The following SF3B2 variants were observed in gnomAD, a reference collection of about 807,000 sequenced individuals.
SF3B2 encodes splicing factor 3b subunit 2.
Under a neutral mutation model 116.3 loss-of-function variants are expected in SF3B2, and 22 were observed. The ratio of observed to expected loss-of-function variants is 0.19; its 90% CI spans 0.14 to 0.27. SF3B2 has a LOEUF of 0.27. Ranked by LOEUF, SF3B2 falls within the 10% of genes least tolerant of loss-of-function variation. SF3B2 has a pLI of 1.00. For synonymous variants in SF3B2, 406 were observed against 421.6 expected (o/e 0.96, Z 0.45); for missense variants, 767 against 1,151.4 (o/e 0.67, Z 4.83).
rs147488764 is a variant in SF3B2 at position 66,067,876 on chromosome 11, T to G, written c.2331-70T>G. 2.2e-4 allele frequency: 280 copies of G among 1,273,240 alleles called. 1 individual carries two copies. The East Asian group carries it at 6.4e-3, about 29-fold the overall frequency. The allele number at this position is 1,273,240 out of a possible 1,614,324, so 78.9% of individuals were successfully genotyped here. On this transcript the variant is annotated intron_variant, in intron 19 of 21. Transcript: ENST00000322535. ...GCGCTGAGTGGAGGTGCCACCTGTA[T>G]CTTTTGTTTCCGCTTCTGGAGACCC...
Position 66,059,598 on chromosome 11 carries a change from A to C in SF3B2, c.1401+3A>C. On this transcript the variant is annotated splice_donor_region_variant and intron_variant, in intron 12 of 21. Transcript: ENST00000322535. This position sits in a 1 kb window ranked among gnomAD's most constrained non-coding sequence, Gnocchi z 5.0. ...TCACTGTGGCTGAACTCAAGCAGGT[A>C]AGACCTGAGAGGATCCTGCAGGCCC... 1 of 1,613,970 alleles carries C rather than the reference A, an allele frequency of 6.2e-7. No individual in the cohort carries two copies.
Position 66,068,852 on chromosome 11 carries a change from T to C in SF3B2, c.*107T>C. On this transcript the variant is annotated 3_prime_UTR_variant, in exon 22 of 22. Transcript: ENST00000322535. ...AAGGACTTGTCATTTCATGTTCTTA[T>C]TTTAGACCTGTTTTGTAAATAAAGC... The C allele has an allele frequency of 1.2e-6, 1 of 862,770 alleles. No homozygotes were observed. Among genetic ancestry groups the C allele is most frequent in the Non-Finnish European group, 1.9e-6 (1 of 533,116 alleles). 53.4% of individuals were successfully genotyped at this position (862,770 alleles called of 1,614,324 possible).
chr11:66,063,151 T>A (rs1379700603), intron 17 of SF3B2, 35 bp downstream of exon 17: 1 of 1,485,916 alleles, frequency 6.7e-7, no homozygotes, highest in Admixed American at 1.7e-5. Flanking sequence ...TGGTTTTACT[T>A]AATGTCATGA....
At chr11:66,063,990 G>A (rs1038833221) in intron 19 of SF3B2, among the ~76,000 whole-genome samples, 2 of 152,172 alleles carry the variant, frequency 1.3e-5, no homozygotes, top group East Asian at 3.8e-4. Flanking sequence ...CTTTGGGAAG[G>A]CCTCACTGGG....
Position 66,055,114 on chromosome 11 carries a change from C to CTG in SF3B2, c.297_298insTG (p.Pro100CysfsTer49). ...CCATGCCACCACCACCTTTGGGACT[C>CTG]CCCCCTCTGCAGCCTCCTCCGCCAC... On this transcript the variant is annotated frameshift_variant, in exon 4 of 22. Coordinates refer to ENST00000322535, the MANE Select transcript of SF3B2 (RefSeq NM_006842.3). LOFTEE classifies it high-confidence loss of function. The CTG allele has an allele frequency of 1.9e-6, 3 of 1,543,270 alleles. No individual in the cohort carries two copies. The highest frequency in any genetic ancestry group is 2.6e-6 in the Non-Finnish European group (3 of 1,140,676).
intron 14 of SF3B2, 58 bp downstream of exon 14, chr11:66,060,789 C>CT (rs922292762): frequency 2.6e-5 from 40 of 1,543,410 alleles, no homozygotes; most frequent in South Asian, 4.6e-5. Flanking sequence ...CTGTCTAGGG[C>CT]TTTTTTTTGT....
chr11:66,063,311 T>G (rs2135053229), intron 17 of SF3B2, 89 bp from the exon 18 acceptor site: 1 of 1,318,832 alleles, frequency 7.6e-7, no homozygotes, highest in East Asian at 2.4e-5. Flanking sequence ...TATTGTGTTT[T>G]GACTCTTACA....
At chr11:66,057,229 C>G (rs1268994934) in intron 6 of SF3B2, 37 bp from the exon 7 acceptor site, 10 of 1,303,546 alleles carry the variant, frequency 7.7e-6, no homozygotes, top group Admixed American at 1.7e-5. Context: ...AGTGTTTTGC[C>G]TCTTCTGACA....
At position 66,063,408 on chromosome 11, in the gene SF3B2, T is replaced by C. The variant is rs1857128930; in HGVS notation, c.2094T>C (p.Thr698=). 1.2e-6 allele frequency: 2 copies of C among 1,612,480 alleles called. No homozygotes were observed. The highest frequency in any genetic ancestry group is 8.5e-7 in the Non-Finnish European group (1 of 1,179,324). Reference sequence around the variant, plus strand: ...AAAGTGATCTCTTTCAGACCAAGACTGAGGAAGAAGAGATTGATCGGACCC... The same window carrying C: ...AAAGTGATCTCTTTCAGACCAAGACCGAGGAAGAAGAGATTGATCGGACCC... ...GTNAAEFQTK[T]EEEEIDRTPW... Residue 698 remains threonine, a synonymous_variant, in exon 18 of 22, where the codon ACT becomes ACC. Coordinates refer to ENST00000322535, the MANE Select transcript of SF3B2 (RefSeq NM_006842.3).
At position 66,067,956 on chromosome 11, in the gene SF3B2, C is replaced by T. The variant is rs1434495309; in HGVS notation, c.2341C>T (p.Pro781Ser). The T allele has an allele frequency of 1.9e-6, 3 of 1,614,032 alleles. No individual in the cohort carries two copies. Among genetic ancestry groups the T allele is most frequent in the Non-Finnish European group, 2.5e-6 (3 of 1,179,946 alleles). ...CATTGTCCTTCGCAGAAGTGAGACA[C>T]CTCAGCTCTTCACTGTGTTGCCAGA... ...IEEAMDGSETPQLFTVLPEKR... is the reference protein window; with the variant it reads ...IEEAMDGSETSQLFTVLPEKR... The change falls in exon 20 of 22, where the codon CCT becomes TCT. Residue 781 changes from proline (P) to serine (S), a missense_variant. Pro to Ser is a moderately conservative substitution (Grantham distance 74, BLOSUM62 -1). This residue lies in a region of SF3B2 where 282 missense variants were observed against 568.0 expected (regional missense o/e 0.50). Coordinates refer to ENST00000322535, the MANE Select transcript of SF3B2 (RefSeq NM_006842.3).
Position 66,069,234 on chromosome 11 carries a change from A to G in SF3B2, c.*489A>G. 5.2e-6 allele frequency: 2 copies of G among 381,800 alleles called. No individual in the cohort carries two copies. Among genetic ancestry groups the G allele is most frequent in the Non-Finnish European group, 1.1e-5 (2 of 184,258 alleles). 23.7% of individuals were successfully genotyped at this position (381,800 alleles called of 1,614,324 possible). ...AAGTAGGCCAGGGCAGGCCTTCCCA[A>G]CTGACCTTGTGACCAGAAGTTCAAG... is the stretch of plus-strand genomic sequence containing the variant. On this transcript the variant is annotated 3_prime_UTR_variant, in exon 22 of 22. Coordinates refer to ENST00000322535, the MANE Select transcript of SF3B2 (RefSeq NM_006842.3).
Position 66,057,360 on chromosome 11 carries a change from A to T in SF3B2, c.762A>T (p.Gly254=), listed in dbSNP as rs1028983292. ...CTCGTGGTCCCCCACCGCCCCCTGGAGATGAGAACAGAGAGGTGAGACTGA... is the reference window on the plus strand; with the variant it reads ...CTCGTGGTCCCCCACCGCCCCCTGGTGATGAGAACAGAGAGGTGAGACTGA... ...PRPRGPPPPP[G]DENREMDDPS... is the part of the protein sequence containing the mutation. Residue 254 remains glycine, a synonymous_variant, in exon 7 of 22, where the codon GGA becomes GGT. Transcript: ENST00000322535. The T allele has an allele frequency of 2.8e-6, 4 of 1,407,658 alleles. No homozygotes were observed. The African/African-American group carries it at 5.6e-5, about 20-fold the overall frequency. 87.2% of individuals were successfully genotyped at this position (1,407,658 alleles called of 1,614,324 possible).
In SF3B2 at chr11:66,063,658, A is replaced by C. The variant is rs1446595707; in HGVS notation, c.2259A>C (p.Ser753=). ...TTATCACTCCTGGAGGCTTTTCATC[A>C]GTGCCTGCTGGAATGGAGACCCCTG... ...SGLITPGGFS[S]VPAGMETPEL... The change falls in exon 19 of 22, where the codon TCA becomes TCC. Residue 753 remains serine, a synonymous_variant. Transcript: ENST00000322535. 1.2e-6 allele frequency: 2 copies of C among 1,613,540 alleles called. No individual in the cohort carries two copies. The highest frequency in any genetic ancestry group is 2.7e-5 in the African/African-American group (2 of 74,870).
rs530796297 is a variant in SF3B2, at chr11:66,055,936, C to T, written c.549+351C>T. 62 of 265,900 alleles carry T rather than the reference C, an allele frequency of 2.3e-4. 1 individual carries two copies. The highest frequency in any genetic ancestry group is 1.1e-3 in the African/African-American group (50 of 45,322). The allele number at this position is 265,900 out of a possible 1,614,324, so 16.5% of individuals were successfully genotyped here. Reference sequence around the variant, plus strand: ...AGCCTGCTGACCTCTGCTCGCCTTACATGACATCATTCTAGATAGGACTCT... The same window carrying T: ...AGCCTGCTGACCTCTGCTCGCCTTATATGACATCATTCTAGATAGGACTCT... On this transcript the variant is annotated intron_variant, in intron 5 of 21. Transcript: ENST00000322535.
At position 66,052,485 on chromosome 11, in the gene SF3B2, C is replaced by A. The variant is rs755261749; in HGVS notation, c.101C>A (p.Ala34Asp). 4 of 1,613,620 alleles carry A rather than the reference C, an allele frequency of 2.5e-6. No homozygotes were observed. The highest frequency in any genetic ancestry group is 8.5e-7 in the Non-Finnish European group (1 of 1,179,854). The change falls in exon 1 of 22, where the codon GCC (alanine) becomes GAC (aspartate). Residue 34 changes from alanine (A) to aspartate (D), a missense_variant. Ala to Asp is a moderately radical substitution (Grantham distance 126). Coordinates refer to ENST00000322535, the MANE Select transcript of SF3B2 (RefSeq NM_006842.3). ...YGAWAAQELQ[A>D]KLAEIGAPIQ... ...GCCTGGGCTGCCCAGGAGCTTCAGG[C>A]CAAGTTGGCAGAGATCGGAGCTCCG...
Position 66,068,246 on chromosome 11 carries a change from G to A in SF3B2, c.2529G>A (p.Lys843=). The A allele has an allele frequency of 6.2e-7, 1 of 1,614,164 alleles. No individual in the cohort carries two copies. Among genetic ancestry groups the A allele is most frequent in the Non-Finnish European group, 8.5e-7 (1 of 1,180,048 alleles). The change falls in exon 21 of 22, where the codon AAG becomes AAA. Residue 843 remains lysine (K), a synonymous_variant. Transcript: ENST00000322535. ...LELDPMAMTQ[K]YEEHVREQQA... ...TGGATCCTATGGCCATGACCCAGAA[G>A]TATGAGGAGCATGTGCGGGAGCAGC...
At position 66,059,071 on chromosome 11, in the gene SF3B2, G is replaced by A; in HGVS notation, c.1182+26G>A. On this transcript the variant is annotated intron_variant, in intron 10 of 21. Transcript: ENST00000322535. The surrounding 1 kb of genome is among the most constrained non-coding windows in gnomAD (Gnocchi z 5.0). ...GTACAAGGAGAGCACACTAGGAAGG[G>A]GCAGTGCCAAACAGGGAAGGGGCTC... 9 of 1,610,852 alleles carry A rather than the reference G, an allele frequency of 5.6e-6. No individual in the cohort carries two copies. Among genetic ancestry groups the A allele is most frequent in the Non-Finnish European group, 7.6e-6 (9 of 1,177,340 alleles).
Position 66,068,843 on chromosome 11 carries a change from A to G in SF3B2, c.*98A>G, listed in dbSNP as rs1366888438. The stretch of plus-strand genomic sequence containing the variant: ...GCAGTTCCCAAGGACTTGTCATTTC[A>G]TGTTCTTATTTTAGACCTGTTTTGT... On this transcript the variant is annotated 3_prime_UTR_variant, in exon 22 of 22. Coordinates refer to ENST00000322535, the MANE Select transcript of SF3B2 (RefSeq NM_006842.3). The G allele has an allele frequency of 2.1e-6, 2 of 959,774 alleles. No individual in the cohort carries two copies. The highest frequency in any genetic ancestry group is 3.3e-6 in the Non-Finnish European group (2 of 614,396). The allele number at this position is 959,774 out of a possible 1,614,324, so 59.5% of individuals were successfully genotyped here. A position where few individuals can be genotyped will look rare whatever the true frequency, so the allele number is the denominator to read the frequency against.
rs141730568 is a variant in SF3B2 at position 66,059,946 on chromosome 11, C to T, written c.1566C>T (p.Phe522=). Residue 522 remains phenylalanine, a synonymous_variant, in exon 13 of 22, where the codon TTC becomes TTT. Transcript: ENST00000322535. The surrounding 1 kb of genome is among the most constrained non-coding windows in gnomAD (Gnocchi z 5.0). Reference sequence around the variant, plus strand: ...AACGGGGCATTGAGAAGCCCCCCTTCGAGCTGCCAGACTTCATCAAACGCA... The same window carrying T: ...AACGGGGCATTGAGAAGCCCCCCTTTGAGCTGCCAGACTTCATCAAACGCA... ...QGKRGIEKPP[F]ELPDFIKRTG... The T allele has an allele frequency of 4.3e-5, 69 of 1,614,192 alleles. No individual in the cohort carries two copies. Among genetic ancestry groups the T allele is most frequent in the East Asian group, 4.2e-4 (19 of 44,878 alleles).
Sources: gnomAD v4.1 joint callset for allele counts (sites outside exome capture counted in the v4.1 genomes callset) on GRCh38, gnomAD v4.1.1 for gene constraint, gnomAD v4.1.1 regional missense constraint, Gnocchi (gnomAD v3.1) non-coding constraint, MANE v1.5 for transcripts, NCBI Gene and HGNC (gene_info 2026-07-23, HGNC 2026-07-21) for gene names.